The following PELI3 variants were observed in gnomAD, a reference collection of about 807,000 sequenced individuals.
PELI3 encodes the protein pellino E3 ubiquitin protein ligase family member 3.
In PELI3, 19 loss-of-function variants were observed where a neutral mutation model predicts 35.5. The ratio of observed to expected loss-of-function variants is 0.54; its 90% CI spans 0.37 to 0.79. The LOEUF is 0.79. PELI3 is among the 30% of genes least tolerant of loss of function. The probability of loss-of-function intolerance (pLI) is 0.00; values close to 1 mark genes in which losing one functional copy is unlikely to be tolerated. For synonymous variants in PELI3, 262 were observed against 279.2 expected, an observed-to-expected ratio of 0.94 and a Z score of 0.62; for missense variants, 490 against 661.2, an observed-to-expected ratio of 0.74 and a Z score of 2.84.
At chr11:66,468,050 C>G (rs192691600) in intron 1 of PELI3, 78 bp from the exon 2 acceptor site, 1 of 1,490,580 alleles carries the variant, frequency 6.7e-7, no homozygotes, top group Non-Finnish European at 9.0e-7. Flanking sequence ...CTAGGCGGCC[C>G]TGCAGCAGGC....
intron 2 of PELI3, 86 bp downstream of exon 2, chr11:66,468,366 C>A: frequency 7.6e-7 from 1 of 1,308,586 alleles, no homozygotes; most frequent in Non-Finnish European, 1.0e-6. Flanking sequence ...CCTCCCCCCA[C>A]ATAGGGCCTT....
In PELI3 at chr11:66,468,906, T is replaced by C. The variant is rs749071849; in HGVS notation, c.224+2T>C. The C allele has an allele frequency of 1.3e-6, 1 of 766,322 alleles. No individual in the cohort carries two copies. Among genetic ancestry groups the C allele is most frequent in the South Asian group, 1.4e-5 (1 of 72,944 alleles). 47.5% of individuals were successfully genotyped at this position (766,322 alleles called of 1,614,324 possible). A position where few individuals can be genotyped will look rare whatever the true frequency, so the allele number is the denominator to read the frequency against. ...GACTGGCCCAAGGGCACACAGCTGG[T>C]AAGTGGCAGGGCTGGGATTTGGACC... On this transcript the variant is annotated splice_donor_variant, in intron 3 of 7. Coordinates refer to ENST00000320740, the MANE Select transcript of PELI3 (RefSeq NM_145065.3). LOFTEE classifies it high-confidence loss of function.
chr11:66,474,082 C>T (rs868035178), intron 7 of PELI3, 157 bp downstream of exon 7: 8 of 955,652 alleles, frequency 8.4e-6, no homozygotes, highest in Non-Finnish European at 1.1e-5. Context: ...GGGTTCTTAG[C>T]ATGAGCCACT....
At chr11:66,472,277 T>G in intron 4 of PELI3, 92 bp from the exon 5 acceptor site, 1 of 883,438 alleles carries the variant, frequency 1.1e-6, no homozygotes, top group Non-Finnish European at 1.9e-6. Flanking sequence ...TCCCAGGGAG[T>G]GGCTGCTGGG....
At position 66,473,204 on chromosome 11, in the gene PELI3, T is replaced by G; in HGVS notation, c.457-37T>G. 6.4e-7 allele frequency: 1 copy of G among 1,564,638 alleles called. No homozygotes were observed. Among genetic ancestry groups the G allele is most frequent in the Non-Finnish European group, 8.7e-7 (1 of 1,150,690 alleles). ...GGAAGGCCCATGAGAGTCCCCTATG[T>G]ACATACAGTCCCTGCTTGCTCTCCC... On this transcript the variant is annotated intron_variant, in intron 5 of 7. Coordinates refer to ENST00000320740, the MANE Select transcript of PELI3 (RefSeq NM_145065.3). The surrounding 1 kb of genome is among the most constrained non-coding windows in gnomAD (Gnocchi z 5.8).
Position 66,473,290 on chromosome 11 carries a change from C to T in PELI3, c.506C>T (p.Ser169Phe), listed in dbSNP as rs149736299. 3 of 1,613,402 alleles carry T rather than the reference C, an allele frequency of 1.9e-6. No individual in the cohort carries two copies. The highest frequency in any genetic ancestry group is 2.5e-6 in the Non-Finnish European group (3 of 1,179,918). Residue 169 changes from serine (S) to phenylalanine (F), a missense_variant, in exon 6 of 8, where the codon TCC becomes TTC. Around this residue, in one of 3 missense-constraint regions of PELI3, gnomAD observed 349 missense variants for 484.8 expected, o/e 0.72. Transcript: ENST00000320740. This position sits in a 1 kb window ranked among gnomAD's most constrained non-coding sequence, Gnocchi z 5.8. ...ATTGACTTCGTGGTAACAGACACGTCCCCTGGAGGAGGGGCTGCCGAGGGC... is the reference window on the plus strand; with the variant it reads ...ATTGACTTCGTGGTAACAGACACGTTCCCTGGAGGAGGGGCTGCCGAGGGC... ...NMIDFVVTDT[S>F]PGGGAAEGPS...
intron 4 of PELI3, 42 bp from the exon 5 acceptor site, chr11:66,472,327 A>C: frequency 6.6e-7 from 1 of 1,517,832 alleles, no homozygotes; most frequent in East Asian, 2.3e-5. Context: ...TACACTTATC[A>C]TGGCTGCACA....
rs1854561529 is a variant in PELI3 at position 66,467,178 on chromosome 11, C to T, written c.-2+151C>T. On this transcript the variant is annotated intron_variant, in intron 1 of 7. Coordinates refer to ENST00000320740, the MANE Select transcript of PELI3 (RefSeq NM_145065.3). This position sits in a 1 kb window ranked among gnomAD's most constrained non-coding sequence, Gnocchi z 4.2. ...GCGCGCCCGCGCGTCCCTGCGGTCG[C>T]GGGTGCGGGTGGTCTCTGCGCCGTC... Among the ~76,000 whole-genome samples, 1 of 149,420 alleles carries T rather than the reference C, an allele frequency of 6.7e-6. No individual in the cohort carries two copies. The highest frequency in any genetic ancestry group is 2.1e-4 in the South Asian group (1 of 4,808).
Position 66,471,286 on chromosome 11 carries a change from G to A in PELI3, c.269G>A (p.Ser90Asn). The A allele has an allele frequency of 1.2e-5, 20 of 1,613,650 alleles. No homozygotes were observed. The highest frequency in any genetic ancestry group is 1.7e-5 in the Non-Finnish European group (20 of 1,179,840). ...LASGDKGRRRSRLALSRRSHA... is the reference protein window; with the variant it reads ...LASGDKGRRRNRLALSRRSHA... ...AGTGGGGACAAGGGCCGCCGGCGAAGCCGCCTGGCACTGAGCCGCCGGTCG... is the reference window on the plus strand; with the variant it reads ...AGTGGGGACAAGGGCCGCCGGCGAAACCGCCTGGCACTGAGCCGCCGGTCG... Residue 90 changes from serine (S) to asparagine (N), a missense_variant, in exon 4 of 8, where the codon AGC becomes AAC. Ser to Asn is a conservative substitution (Grantham distance 46). This residue lies in a region of PELI3 where 137 missense variants were observed against 157.1 expected (regional missense o/e 0.87). Coordinates refer to ENST00000320740, the MANE Select transcript of PELI3 (RefSeq NM_145065.3).
rs767758141 is a variant in PELI3 at position 66,471,384 on chromosome 11, C to A, written c.354+13C>A. The A allele has an allele frequency of 6.2e-7, 1 of 1,613,268 alleles. No homozygotes were observed. The highest frequency in any genetic ancestry group is 8.5e-7 in the Non-Finnish European group (1 of 1,179,528). On this transcript the variant is annotated intron_variant, in intron 4 of 7. Coordinates refer to ENST00000320740, the MANE Select transcript of PELI3 (RefSeq NM_145065.3). Reference sequence around the variant, plus strand: ...GCTCGTCTCCAAGGCAAGCAACTGACCCATAGACCTGAGGTCCTGCCCTCC... The same window carrying A: ...GCTCGTCTCCAAGGCAAGCAACTGAACCATAGACCTGAGGTCCTGCCCTCC...
chr11:66,471,046 A>C (rs1854697410), intron 3 of PELI3, among the ~76,000 whole-genome samples, 196 bp from the exon 4 acceptor site: 1 of 152,024 alleles, frequency 6.6e-6, no homozygotes, highest in Admixed American at 6.5e-5. Flanking sequence ...AACTGCTCTG[A>C]CACCCCCCTC....
In PELI3 at chr11:66,473,707, G is replaced by A. The variant is rs1210562941; in HGVS notation, c.652-30G>A. On this transcript the variant is annotated intron_variant, in intron 6 of 7. Coordinates refer to ENST00000320740, the MANE Select transcript of PELI3 (RefSeq NM_145065.3). The surrounding 1 kb of genome is among the most constrained non-coding windows in gnomAD (Gnocchi z 5.8). ...ATGGCCTGCTGGGGGGCCCCTGGGG[G>A]ATGTGATCTGATCCCTCATGTGGTC... is the stretch of plus-strand genomic sequence containing the variant. The A allele has an allele frequency of 2.5e-6, 4 of 1,610,228 alleles. No homozygotes were observed. The highest frequency in any genetic ancestry group is 3.4e-6 in the Non-Finnish European group (4 of 1,179,016).
At position 66,476,301 on chromosome 11, in the gene PELI3, T is replaced by A; in HGVS notation, c.*134T>A. The A allele has an allele frequency of 2.9e-6, 3 of 1,023,050 alleles. No homozygotes were observed. Among genetic ancestry groups the A allele is most frequent in the Non-Finnish European group, 4.2e-6 (3 of 722,016 alleles). The allele number at this position is 1,023,050 out of a possible 1,614,324, so 63.4% of individuals were successfully genotyped here. On this transcript the variant is annotated 3_prime_UTR_variant, in exon 8 of 8. Transcript: ENST00000320740. ...CCAGATGGACATGTTGGATGGGCTG[T>A]GCCCTTCCCCCCAACTGTGGCCCCC...
intron 4 of PELI3, 130 bp downstream of exon 4, chr11:66,471,501 C>T (rs1220954852): frequency 8.8e-6 from 11 of 1,253,274 alleles, no homozygotes; most frequent in African/African-American, 1.5e-5. Flanking sequence ...TCATCACTCA[C>T]TGCTTATTGG....
rs1182370823 is a variant in PELI3, at chr11:66,473,236, C to T, written c.457-5C>T. 5.6e-6 allele frequency: 9 copies of T among 1,604,628 alleles called. No homozygotes were observed. Among genetic ancestry groups the T allele is most frequent in the Non-Finnish European group, 6.8e-6 (8 of 1,174,698 alleles). On this transcript the variant is annotated splice_region_variant and splice_polypyrimidine_tract_variant and intron_variant, in intron 5 of 7. Coordinates refer to ENST00000320740, the MANE Select transcript of PELI3 (RefSeq NM_145065.3). This position sits in a 1 kb window ranked among gnomAD's most constrained non-coding sequence, Gnocchi z 5.8. ...AGTCCCTGCTTGCTCTCCCTGTCCT[C>T]ACAGATTGGCCGCTCCACAGAGAAC...
At position 66,473,636 on chromosome 11, in the gene PELI3, G is replaced by A; in HGVS notation, c.652-101G>A. On this transcript the variant is annotated intron_variant, in intron 6 of 7. Coordinates refer to ENST00000320740, the MANE Select transcript of PELI3 (RefSeq NM_145065.3). The surrounding 1 kb of genome is among the most constrained non-coding windows in gnomAD (Gnocchi z 5.8). ...TGCAGCTTCAATGCCAGTCCTCTCT[G>A]GGCCGCCTCTGAACTTGAAGGTAGC... 3.4e-6 allele frequency: 5 copies of A among 1,488,096 alleles called. No homozygotes were observed. Among genetic ancestry groups the A allele is most frequent in the Non-Finnish European group, 4.5e-6 (5 of 1,099,234 alleles). 92.2% of individuals were successfully genotyped at this position (1,488,096 alleles called of 1,614,324 possible). A position where few individuals can be genotyped will look rare whatever the true frequency, so the allele number is the denominator to read the frequency against.
At chr11:66,474,138 G>A (rs1854821365) in intron 7 of PELI3, 1 of 709,534 alleles carries the variant, frequency 1.4e-6, no homozygotes. Flanking sequence ...AGCATAGCAT[G>A]CATACCACTG....
At chr11:66,471,514 C>T (rs1854715649) in intron 4 of PELI3, 143 bp downstream of exon 4, 1 of 1,190,220 alleles carries the variant, frequency 8.4e-7, no homozygotes. Flanking sequence ...CTTATTGGGC[C>T]ATCCGAGAAT....
At chr11:66,475,495 G>A (rs1191398382) in intron 7 of PELI3, 103 bp from the exon 8 acceptor site, 7 of 1,317,928 alleles carry the variant, frequency 5.3e-6, no homozygotes, top group Admixed American at 2.2e-5. Flanking sequence ...TGCCCTGCCT[G>A]CCCTGCCCGC....
Sources: gnomAD v4.1 joint callset for allele counts (sites outside exome capture counted in the v4.1 genomes callset) on GRCh38, gnomAD v4.1.1 for gene constraint, gnomAD v4.1.1 regional missense constraint, Gnocchi (gnomAD v3.1) non-coding constraint, MANE v1.5 for transcripts, NCBI Gene and HGNC (gene_info 2026-07-23, HGNC 2026-07-21) for gene names.